The following DOK6 variants were observed in gnomAD, a reference collection of about 807,000 sequenced individuals.
DOK6 encodes docking protein 6.
Under a neutral mutation model 44.0 loss-of-function variants are expected in DOK6, and 22 were observed. That is an observed-to-expected ratio of 0.50 (90% CI 0.36 to 0.71). The LOEUF is 0.71. Ranked by LOEUF, DOK6 falls within the 30% of genes least tolerant of loss-of-function variation. DOK6 has a pLI of 0.00. For synonymous variants in DOK6, 166 were observed against 145.5 expected (o/e 1.14, Z -1.01); for missense variants, 340 against 416.4 (o/e 0.82, Z 1.60).
intron 7 of DOK6, among the ~76,000 whole-genome samples, chr18:69,804,596 T>G (rs1289913834): frequency 6.6e-6 from 1 of 152,176 alleles, no homozygotes; most frequent in African/African-American, 2.4e-5. Context: ...ATCAGTGGCA[T>G]GTATTAACAA....
intron 1 of DOK6, among the ~76,000 whole-genome samples, chr18:69,430,761 G>C (rs1192040060): frequency 6.6e-6 from 1 of 152,138 alleles, no homozygotes; most frequent in Non-Finnish European, 1.5e-5. Context: ...GAGTTCAAGA[G>C]TTTGAGACCG....
chr18:69,404,953 C>T (rs1490912738), intron 1 of DOK6, among the ~76,000 whole-genome samples: 2 of 152,156 alleles, frequency 1.3e-5, no homozygotes, highest in Non-Finnish European at 2.9e-5. Flanking sequence ...ACCCCTGCAT[C>T]ATTGCTACTG....
intron 7 of DOK6, among the ~76,000 whole-genome samples, chr18:69,759,797 T>TCA (rs1474286868): frequency 2.0e-5 from 3 of 152,236 alleles, no homozygotes. Flanking sequence ...ACATGCCTTT[T>TCA]CAATTACAAT....
chr18:69,624,034 C>A (rs969882116), intron 3 of DOK6, among the ~76,000 whole-genome samples: 1 of 152,182 alleles, frequency 6.6e-6, no homozygotes, highest in Non-Finnish European at 1.5e-5. Context: ...TGGCTCTACA[C>A]AACTTCCTCT....
intron 7 of DOK6, among the ~76,000 whole-genome samples, chr18:69,819,956 A>T (rs1302218003): frequency 2.0e-5 from 3 of 152,178 alleles, no homozygotes; most frequent in African/African-American, 4.8e-5. Context: ...TGCAAAAAAA[A>T]ATCTCATAAT....
rs573534898 is a variant in DOK6 at position 69,768,950 on chromosome 18, T to TGTGC, written c.856+11081_856+11084dup. On this transcript the variant is annotated intron_variant, in intron 7 of 7. Transcript: ENST00000382713. Reference sequence around the variant, plus strand: ...GGAATTTATGCTAAGATTTGAAGGGTGTGCGTGTGTGTGTGTGTGTGTGTG... The same window carrying TGTGC: ...GGAATTTATGCTAAGATTTGAAGGGTGTGCGTGCGTGTGTGTGTGTGTGTGTGTG... 5.7e-3 allele frequency among the ~76,000 whole-genome samples: 786 copies of TGTGC among 138,214 alleles called. 5 individuals carry two copies. The highest frequency in any genetic ancestry group is 0.019 in the Middle Eastern group (5 of 266). 90.7% of individuals were successfully genotyped at this position (138,214 alleles called of 152,430 possible).
At chr18:69,711,979 G>A (rs575166471) in intron 5 of DOK6, among the ~76,000 whole-genome samples, 46 of 152,046 alleles carry the variant, frequency 3.0e-4, no homozygotes, top group African/African-American at 1.1e-3. Context: ...CTCTATACTG[G>A]CATAAAAAAT....
chr18:69,446,164 G>A (rs1421824809), intron 1 of DOK6, among the ~76,000 whole-genome samples: 2 of 151,654 alleles, frequency 1.3e-5, no homozygotes, highest in African/African-American at 4.8e-5. Context: ...TCATTAACTT[G>A]TCATTTACAT....
chr18:69,556,879 C>T (rs1344785318), intron 1 of DOK6, among the ~76,000 whole-genome samples: 1 of 152,186 alleles, frequency 6.6e-6, no homozygotes, highest in Admixed American at 6.5e-5. Context: ...TACTTTTTTA[C>T]ACAAACCAAG....
chr18:69,467,773 C>T (rs373933715), intron 1 of DOK6, among the ~76,000 whole-genome samples: 13 of 152,170 alleles, frequency 8.5e-5, no homozygotes, highest in African/African-American at 2.9e-4. Flanking sequence ...TGTGTAAATA[C>T]GCAGTTTCCT....
intron 5 of DOK6, among the ~76,000 whole-genome samples, 182 bp from the exon 6 acceptor site, chr18:69,738,783 A>G (rs1473651805): frequency 6.6e-6 from 1 of 151,524 alleles, no homozygotes; most frequent in Non-Finnish European, 1.5e-5. Context: ...TTTTATTTCC[A>G]TTTTCATGTA....
At chr18:69,663,542 G>A (rs544840881) in intron 3 of DOK6, 1 of 152,268 alleles carries the variant, frequency 6.6e-6, no homozygotes, top group Admixed American at 6.5e-5. Context: ...GTCCATGGTT[G>A]ATTATGATAA....
chr18:69,666,795 G>A (rs1023109839), intron 3 of DOK6, among the ~76,000 whole-genome samples: 2 of 152,180 alleles, frequency 1.3e-5, no homozygotes, highest in Non-Finnish European at 2.9e-5. Context: ...ACAACCCTGG[G>A]TCACCTTTGG....
intron 1 of DOK6, among the ~76,000 whole-genome samples, chr18:69,461,058 G>T (rs1408206527): frequency 1.3e-5 from 2 of 152,128 alleles, no homozygotes; most frequent in African/African-American, 4.8e-5. Context: ...CTGAATATTT[G>T]TGGAATGGCA....
At chr18:69,480,167 T>C (rs1050481037) in intron 1 of DOK6, among the ~76,000 whole-genome samples, 4 of 152,166 alleles carry the variant, frequency 2.6e-5, no homozygotes, top group African/African-American at 9.6e-5. Context: ...AACTTTAAGA[T>C]GAATGATAAA....
intron 5 of DOK6, among the ~76,000 whole-genome samples, chr18:69,731,589 C>A (rs1254345061): frequency 6.6e-6 from 1 of 152,136 alleles, no homozygotes; most frequent in African/African-American, 2.4e-5. Flanking sequence ...ATCTTAACTA[C>A]ATTTAAAGCA....
intron 1 of DOK6, among the ~76,000 whole-genome samples, chr18:69,417,984 A>G (rs1599121223): frequency 6.6e-6 from 1 of 152,170 alleles, no homozygotes; most frequent in East Asian, 1.9e-4. Flanking sequence ...AGCTTCACAT[A>G]TAATTTTTCC....
intron 1 of DOK6, among the ~76,000 whole-genome samples, chr18:69,441,464 C>T (rs1779798435): frequency 6.6e-6 from 1 of 152,088 alleles, no homozygotes; most frequent in South Asian, 2.1e-4. Flanking sequence ...TTGTACATAA[C>T]ATCTGTTGTT....
At chr18:69,800,630 A>T (rs1980877795) in intron 7 of DOK6, among the ~76,000 whole-genome samples, 1 of 152,118 alleles carries the variant, frequency 6.6e-6, no homozygotes, top group Non-Finnish European at 1.5e-5. Flanking sequence ...AGAAAGATAG[A>T]TTGTTTTTCT....
Sources: gnomAD v4.1 joint callset for allele counts (sites outside exome capture counted in the v4.1 genomes callset) on GRCh38, gnomAD v4.1.1 for gene constraint, MANE v1.5 for transcripts, NCBI Gene and HGNC (gene_info 2026-07-23, HGNC 2026-07-21) for gene names.